PIEZO2: variants seen among roughly 807,000 people sequenced by gnomAD.
PIEZO2 encodes the protein piezo-type mechanosensitive ion channel component 2.
PIEZO2 carries 172 observed loss-of-function variants against 337.3 expected under a neutral mutation model. The ratio of observed to expected loss-of-function variants is 0.51; its 90% CI spans 0.45 to 0.58. The LOEUF is 0.58. PIEZO2 is among the 20% of genes least tolerant of loss of function. The probability of loss-of-function intolerance (pLI) is 0.00; values close to 1 mark genes in which losing one functional copy is unlikely to be tolerated. For synonymous variants in PIEZO2, 1,251 were observed against 1,228.5 expected, an observed-to-expected ratio of 1.02 and a Z score of -0.38; for missense variants, 3,028 against 3,391.3, an observed-to-expected ratio of 0.89 and a Z score of 2.66.
chr18:10,855,357 C>T lies in PIEZO2; in HGVS notation c.913G>A (p.Ala305Thr), dbSNP rs772402272. 6.5e-7 allele frequency: 1 copy of T among 1,531,918 alleles called. No individual in the cohort carries two copies. Among genetic ancestry groups the T allele is most frequent in the Non-Finnish European group, 8.8e-7 (1 of 1,142,066 alleles). The allele number at this position is 1,531,918 out of a possible 1,614,324, so 94.9% of individuals were successfully genotyped here. The change falls in exon 7 of 56, where the codon GCA becomes ACA. Residue 305 changes from alanine (A) to threonine (T), a missense_variant. Around this residue, in one of 5 missense-constraint regions of PIEZO2, gnomAD observed 542 missense variants for 605.6 expected, o/e 0.89. Coordinates refer to ENST00000674853, the MANE Select transcript of PIEZO2 (RefSeq NM_001378183.1). This position sits in a 1 kb window ranked among gnomAD's most constrained non-coding sequence, Gnocchi z 4.9. ...QEAVPPNDYY[A>T]RLFGIKSVIQ... ...TGCCATAAGGATTTCTCTTACCTTG[C>T]ATAGTAGTCATTGGGTGGAACTGCC...
At chr18:10,699,800 G>T (rs2035257792) in intron 43 of PIEZO2, among the ~76,000 whole-genome samples, 1 of 152,202 alleles carries the variant, frequency 6.6e-6, no homozygotes, top group African/African-American at 2.4e-5. Flanking sequence ...TGACTTATTG[G>T]ATGGAAAGTC....
Position 10,715,707 on chromosome 18 carries a change from A to G in PIEZO2, c.5199T>C (p.Ile1733=). The G allele has an allele frequency of 6.5e-7, 1 of 1,536,868 alleles. No individual in the cohort carries two copies. ...TWLNSISREH[I]DISTVLRIER... ...CAATTCTCAGAACTGTAGATATATC[A>G]ATATGCTCCCTTGAAATGGAGTTAA... The change falls in exon 38 of 56, where the codon ATT becomes ATC. Residue 1733 remains isoleucine, a synonymous_variant. Coordinates refer to ENST00000674853, the MANE Select transcript of PIEZO2 (RefSeq NM_001378183.1).
rs1334346258 is a variant in PIEZO2, at chr18:11,131,492, C to T, written c.64+17033G>A. On this transcript the variant is annotated intron_variant, in intron 1 of 55. Transcript: ENST00000674853. This position sits in a 1 kb window ranked among gnomAD's most constrained non-coding sequence, Gnocchi z 5.3. ...GCACGATATGTAGGCACCATGTGAA[C>T]ATGGACAGCTGCAGCACTACAGCCC... is the stretch of plus-strand genomic sequence containing the variant. Among the ~76,000 whole-genome samples the T allele has an allele frequency of 6.6e-6, 1 of 152,176 alleles. No individual in the cohort carries two copies. The highest frequency in any genetic ancestry group is 2.4e-5 in the African/African-American group (1 of 41,446).
chr18:10,826,653 AT>A (rs377309407), intron 7 of PIEZO2, among the ~76,000 whole-genome samples: 4 of 152,070 alleles, frequency 2.6e-5, no homozygotes, highest in Non-Finnish European at 4.4e-5. Context: ...ATATGCTTAC[AT>A]TTTTTTTGTC....
chr18:11,100,100 A>G (rs990722895), intron 1 of PIEZO2, among the ~76,000 whole-genome samples: 1 of 152,204 alleles, frequency 6.6e-6, no homozygotes, highest in African/African-American at 2.4e-5. Flanking sequence ...ATAAAATGGA[A>G]AACTGAAGCA....
At chr18:11,130,556 C>T (rs2040311534) in intron 1 of PIEZO2, among the ~76,000 whole-genome samples, 2 of 152,230 alleles carry the variant, frequency 1.3e-5, no homozygotes, top group Admixed American at 1.3e-4. Flanking sequence ...TGACATTATG[C>T]TAACTGGATC....
chr18:10,977,631 C>T (rs951691796), intron 3 of PIEZO2, among the ~76,000 whole-genome samples: 2 of 151,964 alleles, frequency 1.3e-5, no homozygotes, highest in African/African-American at 4.8e-5. Flanking sequence ...ACCAAAGTAC[C>T]CTTATTTAAA....
At chr18:10,776,289 G>A (rs2038782904) in intron 18 of PIEZO2, among the ~76,000 whole-genome samples, 1 of 152,136 alleles carries the variant, frequency 6.6e-6, no homozygotes, top group Admixed American at 6.5e-5. Flanking sequence ...CTATTTATAG[G>A]AGGTTGTAAA....
rs912217596 is a variant in PIEZO2, at chr18:10,682,345, C to T, written c.7498-53G>A. 7 of 1,465,658 alleles carry T rather than the reference C, an allele frequency of 4.8e-6. No individual in the cohort carries two copies. The African/African-American group carries it at 7.0e-5, about 15-fold the overall frequency. The allele number at this position is 1,465,658 out of a possible 1,614,324, so 90.8% of individuals were successfully genotyped here. A position where few individuals can be genotyped will look rare whatever the true frequency, so the allele number is the denominator to read the frequency against. On this transcript the variant is annotated intron_variant, in intron 49 of 55. Coordinates refer to ENST00000674853, the MANE Select transcript of PIEZO2 (RefSeq NM_001378183.1). This position sits in a 1 kb window ranked among gnomAD's most constrained non-coding sequence, Gnocchi z 5.6. ...AGGCTCAGGCTCAGGTGCTTTCCCG[C>T]AGGCAGCGGGATTGGGGGAGAGCGA...
chr18:11,023,150 A>G (rs542961968), intron 2 of PIEZO2, among the ~76,000 whole-genome samples: 5 of 152,244 alleles, frequency 3.3e-5, no homozygotes, highest in Admixed American at 1.3e-4. Flanking sequence ...GTGAAAGAAC[A>G]AAGCTTCCAC....
intron 20 of PIEZO2, among the ~76,000 whole-genome samples, chr18:10,771,851 C>T (rs1476737882): frequency 2.6e-5 from 4 of 152,210 alleles, no homozygotes; most frequent in Admixed American, 1.3e-4. Flanking sequence ...GCTGTCTACA[C>T]TCCCTGCCCA....
intron 3 of PIEZO2, among the ~76,000 whole-genome samples, chr18:10,926,707 G>C (rs531910060): frequency 6.6e-6 from 1 of 152,146 alleles, no homozygotes. Context: ...CTGCACACTT[G>C]GCAAAATACC....
At chr18:10,790,839 G>A (rs1274907277) in intron 14 of PIEZO2, among the ~76,000 whole-genome samples, 1 of 151,828 alleles carries the variant, frequency 6.6e-6, no homozygotes, top group Non-Finnish European at 1.5e-5. Flanking sequence ...TGAGTAGCTG[G>A]GACTACAGGC....
chr18:10,987,990 A>C (rs542431742), intron 2 of PIEZO2, among the ~76,000 whole-genome samples: 2 of 152,272 alleles, frequency 1.3e-5, no homozygotes, highest in South Asian at 4.1e-4. Flanking sequence ...ACAAGTTGAG[A>C]TACCACCTCT....
Position 11,136,433 on chromosome 18 carries a change from T to C in PIEZO2, c.64+12092A>G, listed in dbSNP as rs184988701. Among the ~76,000 whole-genome samples, 173 of 152,344 alleles carry C rather than the reference T, an allele frequency of 1.1e-3. 1 individual carries two copies. Among genetic ancestry groups the C allele is most frequent in the African/African-American group, 3.7e-3 (152 of 41,590 alleles). ...TTGTAATCTGACCTTTCATCTTCTCTTGTGACTGAGGATGGATTGCCAGAG... is the reference window on the plus strand; with the variant it reads ...TTGTAATCTGACCTTTCATCTTCTCCTGTGACTGAGGATGGATTGCCAGAG... On this transcript the variant is annotated intron_variant, in intron 1 of 55. Transcript: ENST00000674853.
chr18:11,086,931 A>G (rs2038935565), intron 1 of PIEZO2, among the ~76,000 whole-genome samples: 1 of 152,176 alleles, frequency 6.6e-6, no homozygotes, highest in Admixed American at 6.5e-5. Context: ...CATGGCAAGA[A>G]ATTGGCCAAA....
In PIEZO2 at chr18:10,847,676, G is replaced by C. The variant is rs1402495263; in HGVS notation, c.917+7677C>G. Among the ~76,000 whole-genome samples the C allele has an allele frequency of 6.6e-6, 1 of 152,150 alleles. No individual in the cohort carries two copies. The highest frequency in any genetic ancestry group is 1.5e-5 in the Non-Finnish European group (1 of 68,026). Reference sequence around the variant, plus strand: ...AGTTCTGTTGATTTTCCACTTATCTGTGTAAAGTCAATTTCTCTTGGGGCA... The same window carrying C: ...AGTTCTGTTGATTTTCCACTTATCTCTGTAAAGTCAATTTCTCTTGGGGCA... On this transcript the variant is annotated intron_variant, in intron 7 of 55. Transcript: ENST00000674853. The surrounding 1 kb of genome is among the most constrained non-coding windows in gnomAD (Gnocchi z 5.7).
At chr18:11,036,150 C>T (rs1185397290) in intron 2 of PIEZO2, among the ~76,000 whole-genome samples, 8 of 152,164 alleles carry the variant, frequency 5.3e-5, no homozygotes, top group African/African-American at 1.9e-4. Flanking sequence ...CCCTTTGTTC[C>T]CTTGGAGTTC....
chr18:11,042,552 G>A (rs903274545), intron 2 of PIEZO2, among the ~76,000 whole-genome samples: 2 of 152,348 alleles, frequency 1.3e-5, no homozygotes, highest in Middle Eastern at 6.8e-3. Flanking sequence ...TGCTGTCTGA[G>A]CTAGACTCGC....
Sources: gnomAD v4.1 joint callset for allele counts (sites outside exome capture counted in the v4.1 genomes callset) on GRCh38, gnomAD v4.1.1 for gene constraint, gnomAD v4.1.1 regional missense constraint, Gnocchi (gnomAD v3.1) non-coding constraint, MANE v1.5 for transcripts, NCBI Gene and HGNC (gene_info 2026-07-23, HGNC 2026-07-21) for gene names.